RBFOX1: variants seen among roughly 807,000 people sequenced by gnomAD.
RBFOX1 encodes the protein RNA binding protein fox-1 homolog 1.
In RBFOX1, 8 loss-of-function variants were observed where a neutral mutation model predicts 57.7. The ratio of observed to expected loss-of-function variants is 0.14; its 90% CI spans 0.08 to 0.25. The LOEUF is 0.25. Ranked by LOEUF, RBFOX1 falls within the 10% of genes least tolerant of loss-of-function variation. The pLI, the probability that RBFOX1 is intolerant of heterozygous loss-of-function variation, is 1.00. For synonymous variants in RBFOX1, 326 were observed against 222.4 expected, an observed-to-expected ratio of 1.47 and a Z score of -4.15; for missense variants, 611 against 548.5, an observed-to-expected ratio of 1.11 and a Z score of -1.14.
At chr16:6,135,607 A>C (rs533524399) in intron 1 of RBFOX1, among the ~76,000 whole-genome samples, 1 of 152,142 alleles carries the variant, frequency 6.6e-6, no homozygotes, top group African/African-American at 2.4e-5. Context: ...GTATGACTTA[A>C]ATCATTGCAT....
At chr16:6,871,048 T>A (rs2060778243) in intron 3 of RBFOX1, among the ~76,000 whole-genome samples, 1 of 152,236 alleles carries the variant, frequency 6.6e-6, no homozygotes, top group South Asian at 2.1e-4. Context: ...CATAAATGCG[T>A]ATAAAGTAGG....
chr16:6,923,802 A>T (rs1263502174), intron 3 of RBFOX1, among the ~76,000 whole-genome samples: 1 of 152,132 alleles, frequency 6.6e-6, no homozygotes, highest in Non-Finnish European at 1.5e-5. Flanking sequence ...AGGATTTGCC[A>T]CCTTCTAGCC....
chr16:6,837,089 A>G (rs1343104184), intron 3 of RBFOX1, among the ~76,000 whole-genome samples: 2 of 152,206 alleles, frequency 1.3e-5, no homozygotes, highest in African/African-American at 4.8e-5. Flanking sequence ...ATTGGTTAAC[A>G]ATAGCCAGAG....
At chr16:7,587,360 A>G (rs2094184716) in intron 7 of RBFOX1, 60 bp downstream of exon 7, 3 of 1,431,814 alleles carry the variant, frequency 2.1e-6, no homozygotes, top group Admixed American at 2.4e-5. Context: ...TGTTATGAAT[A>G]AGGGGAAACA....
At chr16:6,483,844 G>A (rs1465107357) in intron 2 of RBFOX1, 5 of 1,216,826 alleles carry the variant, frequency 4.1e-6, no homozygotes, top group Admixed American at 3.8e-5. Flanking sequence ...CTTGGCCGTG[G>A]ATGGAATCCG....
In RBFOX1 at chr16:6,480,575, T is replaced by C. The variant is rs914447254; in HGVS notation, c.-64+163518T>C. On this transcript the variant is annotated intron_variant, in intron 2 of 15. Coordinates refer to ENST00000550418, the MANE Select transcript of RBFOX1 (RefSeq NM_018723.4). ...TAGCAGGCTGTACAGAAACAGAGAA[T>C]GGCTGAGTTTGATTCTTGGGCTGTA... 1.3e-5 allele frequency among the ~76,000 whole-genome samples: 2 copies of C among 152,224 alleles called. 1 individual carries two copies. Among genetic ancestry groups the C allele is most frequent in the African/African-American group, 4.8e-5 (2 of 41,456 alleles).
In RBFOX1 at chr16:5,837,434, G is replaced by C. The variant is rs150995745; in HGVS notation, c.319-29869G>C. 5.1e-4 allele frequency among the ~76,000 whole-genome samples: 78 copies of C among 152,056 alleles called. No individual in the cohort carries two copies. The East Asian group carries it at 0.012, about 23-fold the overall frequency. ...CAGTCCAAGTCTGACTCAGACATGG[G>C]CTTTCTGAGAGATTGCATAAGCTTC... is the stretch of plus-strand genomic sequence containing the variant. On this transcript the variant is annotated intron_variant, in intron 3 of 19. Transcript: ENST00000641259.
intron 4 of RBFOX1, among the ~76,000 whole-genome samples, chr16:7,088,170 T>G (rs936156669): frequency 1.3e-5 from 2 of 152,142 alleles, no homozygotes; most frequent in Non-Finnish European, 2.9e-5. Context: ...CGGTTTTCTG[T>G]TTTTTGAAAA....
At chr16:7,627,934 C>A (rs894859529) in intron 10 of RBFOX1, among the ~76,000 whole-genome samples, 1 of 148,526 alleles carries the variant, frequency 6.7e-6, no homozygotes, top group Non-Finnish European at 1.5e-5. Flanking sequence ...TTTTTAACTA[C>A]GAAGAAAGTA....
At chr16:6,230,157 C>T (rs937167479) in intron 1 of RBFOX1, among the ~76,000 whole-genome samples, 1 of 151,962 alleles carries the variant, frequency 6.6e-6, no homozygotes, top group Non-Finnish European at 1.5e-5. Flanking sequence ...TTTCCCTTTG[C>T]AAAAACAAGA....
rs548429979 is a variant in RBFOX1 at position 5,625,981 on chromosome 16, A to G, written c.318+27020A>G. Among the ~76,000 whole-genome samples, 8 of 152,298 alleles carry G rather than the reference A, an allele frequency of 5.3e-5. No individual in the cohort carries two copies. In the East Asian group the frequency reaches 5.8e-4, roughly 11 times the overall value. The stretch of plus-strand genomic sequence containing the variant: ...ACCCTCCGCCTCCTGGGTTCAAACT[A>G]TTCTCCTGCCTCAGCCTCCCATGTA... On this transcript the variant is annotated intron_variant, in intron 3 of 19. Coordinates refer to the RBFOX1 transcript ENST00000641259.
intron 3 of RBFOX1, among the ~76,000 whole-genome samples, chr16:6,739,898 A>C (rs535188397): frequency 2.6e-5 from 4 of 152,262 alleles, no homozygotes; most frequent in East Asian, 3.9e-4. Flanking sequence ...GTGGTGGTCC[A>C]CATTCCACTT....
chr16:7,095,112 C>CT (rs899640936), intron 4 of RBFOX1, among the ~76,000 whole-genome samples: 8 of 151,914 alleles, frequency 5.3e-5, no homozygotes, highest in Non-Finnish European at 8.8e-5. Context: ...TTCTTTCTTT[C>CT]TTTTTTCTTT....
intron 1 of RBFOX1, among the ~76,000 whole-genome samples, chr16:6,208,417 T>C (rs9928350): frequency 0.97 from 148,304 of 152,176 alleles, 72,366 homozygotes; most frequent in East Asian, 1. Flanking sequence ...TCAGCAAGCA[T>C]GTGCTTAGTG....
intron 4 of RBFOX1, among the ~76,000 whole-genome samples, chr16:7,327,340 T>A (rs921059305): frequency 1.3e-5 from 2 of 152,134 alleles, no homozygotes; most frequent in African/African-American, 4.8e-5. Flanking sequence ...AACGGAAAAT[T>A]TGTATCGGAG....
intron 1 of RBFOX1, among the ~76,000 whole-genome samples, chr16:6,087,774 T>G (rs777539335): frequency 7.9e-5 from 12 of 151,946 alleles, no homozygotes; most frequent in Non-Finnish European, 1.6e-4. Flanking sequence ...TGCCTCAGCC[T>G]CCCAAGAAGC....
chr16:7,007,689 GTACTTT>G (rs2093380986), intron 3 of RBFOX1, among the ~76,000 whole-genome samples: 1 of 152,114 alleles, frequency 6.6e-6, no homozygotes, highest in African/African-American at 2.4e-5. Flanking sequence ...GATTTTGCAT[GTACTTT>G]TGCTGCTAAT....
chr16:7,421,283 A>G (rs1393135138), intron 4 of RBFOX1, among the ~76,000 whole-genome samples: 1 of 152,186 alleles, frequency 6.6e-6, no homozygotes, highest in Non-Finnish European at 1.5e-5. Context: ...AGAAAATACC[A>G]TCCTTGGACA....
At chr16:7,365,025 C>A (rs569219007) in intron 4 of RBFOX1, among the ~76,000 whole-genome samples, 1 of 152,144 alleles carries the variant, frequency 6.6e-6, no homozygotes, top group African/African-American at 2.4e-5. Context: ...TCTATCCATC[C>A]GTCCGTCCGT....
Sources: gnomAD v4.1 joint callset for allele counts (sites outside exome capture counted in the v4.1 genomes callset) on GRCh38, gnomAD v4.1.1 for gene constraint, MANE v1.5 for transcripts, NCBI Gene and HGNC (gene_info 2026-07-23, HGNC 2026-07-21) for gene names.